Variants in TENM4 observed in about 807,000 individuals in gnomAD.
The protein encoded by TENM4 is teneurin transmembrane protein 4, also known as teneurin-4.
In TENM4, 82 loss-of-function variants were observed where a neutral mutation model predicts 243.3. The ratio of observed to expected loss-of-function variants is 0.34; its 90% CI spans 0.28 to 0.40. The LOEUF (loss-of-function observed/expected upper bound fraction) is 0.40. Among genes scored for constraint, TENM4 ranks in the 10% least tolerant of loss-of-function variants. The pLI, the probability that TENM4 is intolerant of heterozygous loss-of-function variation, is 1.00. For synonymous variants in TENM4, 1,412 were observed against 1,456.3 expected (o/e 0.97, Z 0.69); for missense variants, 3,138 against 3,673.3 (o/e 0.85, Z 3.77).
At chr11:79,255,867 T>C (rs2135313778) in intron 2 of TENM4, among the ~76,000 whole-genome samples, 1 of 152,330 alleles carries the variant, frequency 6.6e-6, no homozygotes, top group Middle Eastern at 3.4e-3. Flanking sequence ...TAAGAGAAAG[T>C]GGCCTGTCCT....
At chr11:79,027,519 G>A (rs1859111985) in intron 6 of TENM4, among the ~76,000 whole-genome samples, 1 of 152,194 alleles carries the variant, frequency 6.6e-6, no homozygotes, top group African/African-American at 2.4e-5. Flanking sequence ...CTTTGTCACT[G>A]TGCCAGAAAC....
intron 6 of TENM4, among the ~76,000 whole-genome samples, chr11:79,009,337 A>T (rs2136744263): frequency 6.6e-6 from 1 of 152,248 alleles, no homozygotes; most frequent in East Asian, 1.9e-4. Context: ...ACTGGGCCCA[A>T]ATTCAGCTTC....
chr11:78,954,457 T>C (rs1287744450), intron 6 of TENM4, among the ~76,000 whole-genome samples: 1 of 152,206 alleles, frequency 6.6e-6, no homozygotes, highest in Non-Finnish European at 1.5e-5. Flanking sequence ...ATAGCTTCTA[T>C]TTTCTTTCAA....
chr11:79,006,492 G>A (rs1858488427), intron 6 of TENM4, among the ~76,000 whole-genome samples: 1 of 152,128 alleles, frequency 6.6e-6, no homozygotes, highest in African/African-American at 2.4e-5. Flanking sequence ...TATCACACAA[G>A]GCATTTTAAT....
chr11:79,052,884 C>T (rs1414095805), intron 6 of TENM4, among the ~76,000 whole-genome samples: 1 of 152,192 alleles, frequency 6.6e-6, no homozygotes, highest in Non-Finnish European at 1.5e-5. Flanking sequence ...TCTCAGGAGG[C>T]ATTCCTGCTT....
rs144332854 is a variant in TENM4 at position 79,002,473 on chromosome 11, G to C, written c.493+62265C>G. Among the ~76,000 whole-genome samples, 126 of 152,312 alleles carry C rather than the reference G, an allele frequency of 8.3e-4. No homozygotes were observed. In the East Asian group the frequency reaches 0.019, roughly 22 times the overall value. On this transcript the variant is annotated intron_variant, in intron 6 of 33. Coordinates refer to ENST00000278550, the MANE Select transcript of TENM4 (RefSeq NM_001098816.3). ...CAATGCAGCAGGTTCCTAACCTCTA[G>C]AACAAAGGCAGGGGCCCAGTACTAG...
chr11:79,053,443 C>A (rs947530362), intron 6 of TENM4, among the ~76,000 whole-genome samples: 1 of 152,226 alleles, frequency 6.6e-6, no homozygotes, highest in African/African-American at 2.4e-5. Flanking sequence ...CTATCACCTT[C>A]AGGACAAAGG....
chr11:78,898,978 C>T (rs559110997), intron 7 of TENM4, among the ~76,000 whole-genome samples: 1 of 152,284 alleles, frequency 6.6e-6, no homozygotes, highest in Admixed American at 6.5e-5. Flanking sequence ...TTTGTTACAA[C>T]AGCCTTATGA....
At chr11:79,285,187 A>G (rs569410525) in intron 2 of TENM4, among the ~76,000 whole-genome samples, 2 of 152,258 alleles carry the variant, frequency 1.3e-5, no homozygotes, top group East Asian at 3.9e-4. Context: ...GCAGTGAGCC[A>G]AGATCTTGTC....
chr11:79,069,679 G>A (rs1310903537), intron 5 of TENM4, 43 bp downstream of exon 5: 8 of 1,521,002 alleles, frequency 5.3e-6, no homozygotes, highest in Non-Finnish European at 7.1e-6. Flanking sequence ...CCTGAGCCAA[G>A]CTCACCTGCG....
chr11:78,692,179 G>C (rs1031079593), intron 28 of TENM4, among the ~76,000 whole-genome samples: 3 of 152,156 alleles, frequency 2.0e-5, no homozygotes, highest in African/African-American at 7.2e-5. Flanking sequence ...TTTTCATTAT[G>C]GGAACCCACA....
chr11:79,043,235 A>G (rs1306188929), intron 6 of TENM4, among the ~76,000 whole-genome samples: 4 of 152,172 alleles, frequency 2.6e-5, no homozygotes, highest in Non-Finnish European at 1.5e-5. Context: ...ATAATGTTCT[A>G]TTGTGTTCAT....
chr11:79,368,460 C>T (rs145626183), intron 1 of TENM4, among the ~76,000 whole-genome samples: 9 of 152,304 alleles, frequency 5.9e-5, no homozygotes, highest in African/African-American at 1.9e-4. Flanking sequence ...TCCATACATG[C>T]TCACCTGTAA....
chr11:78,743,523 A>C (rs1855979257), intron 19 of TENM4, among the ~76,000 whole-genome samples: 2 of 152,182 alleles, frequency 1.3e-5, no homozygotes, highest in African/African-American at 4.8e-5. Context: ...GCGATGTTAG[A>C]GAACTTTGAG....
intron 1 of TENM4, among the ~76,000 whole-genome samples, chr11:79,335,780 C>T (rs1857138143): frequency 2.0e-5 from 3 of 152,182 alleles, no homozygotes; most frequent in South Asian, 2.1e-4. Context: ...ACTGCCAACT[C>T]CCCCGACTGA....
At chr11:79,038,775 C>T (rs1192528182) in intron 6 of TENM4, among the ~76,000 whole-genome samples, 1 of 152,196 alleles carries the variant, frequency 6.6e-6, no homozygotes, top group African/African-American at 2.4e-5. Context: ...GGGAAAAAAC[C>T]ATCTTAAAAC....
At chr11:78,885,725 C>T (rs1449148298) in intron 9 of TENM4, among the ~76,000 whole-genome samples, 1 of 152,082 alleles carries the variant, frequency 6.6e-6, no homozygotes, top group African/African-American at 2.4e-5. Context: ...TTTATGGCAG[C>T]TTGGGCAACA....
At chr11:79,418,408 T>C (rs1264315489) in intron 1 of TENM4, among the ~76,000 whole-genome samples, 6 of 152,222 alleles carry the variant, frequency 3.9e-5, no homozygotes, top group African/African-American at 1.4e-4. Flanking sequence ...ACAAGAATAC[T>C]GATACTAATG....
chr11:79,187,922 T>C lies in TENM4; in HGVS notation c.-163+27886A>G, dbSNP rs1863407765. On this transcript the variant is annotated intron_variant, in intron 3 of 33. Coordinates refer to ENST00000278550, the MANE Select transcript of TENM4 (RefSeq NM_001098816.3). ...TGGAATGCAATTAATTTCTGTTGTT[T>C]AAACCACCCAGTCTGTGCTACTTTG... 2.0e-5 allele frequency among the ~76,000 whole-genome samples: 3 copies of C among 152,224 alleles called. 1 individual carries two copies. The South Asian group carries it at 6.2e-4, about 31-fold the overall frequency.
Sources: gnomAD v4.1 joint callset for allele counts (sites outside exome capture counted in the v4.1 genomes callset) on GRCh38, gnomAD v4.1.1 for gene constraint, MANE v1.5 for transcripts, NCBI Gene and HGNC (gene_info 2026-07-23, HGNC 2026-07-21) for gene names.